SKIC3: variants seen among roughly 807,000 people sequenced by gnomAD.
SKIC3 encodes SKI3 subunit of superkiller complex.
At chr5:95,526,239 C>T in the SKIC3 span, among the ~76,000 whole-genome samples, 4 of 151,680 alleles carry the variant, frequency 2.6e-5, no homozygotes, top group South Asian at 8.4e-4. Context: ...CAATAAGGTC[C>T]CCCTCCTTCT....
At chr5:95,534,213 GAAAAA>G in the SKIC3 span, among the ~76,000 whole-genome samples, 12 of 139,074 alleles carry the variant, frequency 8.6e-5, no homozygotes, top group African/African-American at 3.1e-4. Flanking sequence ...TTCCTATCAG[GAAAAA>G]AAAAAAAAAA....
the SKIC3 span, among the ~76,000 whole-genome samples, chr5:95,524,246 G>A: frequency 9.5e-3 from 1,441 of 152,092 alleles, 25 homozygotes; most frequent in African/African-American, 0.033. Flanking sequence ...ATTATGTCTC[G>A]TTTTCTACAA....
chr5:95,466,941 A>G, the SKIC3 span, among the ~76,000 whole-genome samples: 1 of 152,228 alleles, frequency 6.6e-6, no homozygotes, highest in Non-Finnish European at 1.5e-5. Flanking sequence ...TAAAGAAATA[A>G]CAACGGTAAA....
the SKIC3 span, among the ~76,000 whole-genome samples, chr5:95,514,075 C>A: frequency 2.0e-5 from 3 of 152,104 alleles, no homozygotes; most frequent in African/African-American, 7.2e-5. Flanking sequence ...CAGGAGTTTG[C>A]CTTTCTAGCT....
the SKIC3 span, among the ~76,000 whole-genome samples, chr5:95,542,864 CT>C: frequency 1.2e-4 from 19 of 152,040 alleles, no homozygotes; most frequent in Non-Finnish European, 2.2e-4. Context: ...AAAAACATTT[CT>C]TTTTCCTCAG....
chr5:95,503,114 C>A, the SKIC3 span: 9 of 1,155,096 alleles, frequency 7.8e-6, no homozygotes, highest in Middle Eastern at 2.6e-4. Context: ...ACAATTATAT[C>A]TTTGTATTCT....
At chr5:95,543,486 G>A in the SKIC3 span, among the ~76,000 whole-genome samples, 1 of 152,290 alleles carries the variant, frequency 6.6e-6, no homozygotes, top group African/African-American at 2.4e-5. Flanking sequence ...GTTTCCTCAG[G>A]GGAAGGAGTT....
At chr5:95,517,708 T>C in the SKIC3 span, among the ~76,000 whole-genome samples, 1 of 152,148 alleles carries the variant, frequency 6.6e-6, no homozygotes, top group African/African-American at 2.4e-5. Flanking sequence ...CTCTTACAAC[T>C]GACAGTTGTA....
the SKIC3 span, chr5:95,482,472 C>T: frequency 6.2e-7 from 1 of 1,613,808 alleles, no homozygotes; most frequent in Non-Finnish European, 8.5e-7. Context: ...AGAAAACTTA[C>T]CTGCCAAGCT....
the SKIC3 span, among the ~76,000 whole-genome samples, chr5:95,553,717 G>C: frequency 1.3e-5 from 2 of 152,176 alleles, no homozygotes; most frequent in African/African-American, 4.8e-5. Flanking sequence ...CCGCCACCAC[G>C]CCCAGTATTT....
chr5:95,528,678 G>A, the SKIC3 span, among the ~76,000 whole-genome samples: 1 of 152,034 alleles, frequency 6.6e-6, no homozygotes, highest in Non-Finnish European at 1.5e-5. Context: ...CTATATGAGA[G>A]AAATTAAGAA....
At chr5:95,541,276 T>C in the SKIC3 span, 2 of 1,609,570 alleles carry the variant, frequency 1.2e-6, no homozygotes, top group Non-Finnish European at 8.5e-7. Flanking sequence ...CATCTATTAT[T>C]AAAAGAAGTC....
the SKIC3 span, among the ~76,000 whole-genome samples, chr5:95,485,191 T>C: frequency 6.6e-6 from 1 of 152,220 alleles, no homozygotes; most frequent in Admixed American, 6.5e-5. Flanking sequence ...TTGACATGTA[T>C]ATCAGTGAAC....
chr5:95,544,678 G>A, the SKIC3 span, among the ~76,000 whole-genome samples: 1 of 152,178 alleles, frequency 6.6e-6, no homozygotes, highest in Non-Finnish European at 1.5e-5. Flanking sequence ...TACAATGGCT[G>A]GCACTTAACA....
the SKIC3 span, among the ~76,000 whole-genome samples, chr5:95,510,375 C>A: frequency 1.2e-4 from 18 of 152,212 alleles, no homozygotes; most frequent in Non-Finnish European, 1.6e-4. Context: ...CCAAAACAAA[C>A]CCCCTTCTTG....
the SKIC3 span, chr5:95,509,646 A>T: frequency 6.2e-7 from 1 of 1,613,974 alleles, no homozygotes; most frequent in Non-Finnish European, 8.5e-7. Context: ...TCGTTTAAGT[A>T]ACCCAACATT....
At chr5:95,485,204 TCAC>T in the SKIC3 span, among the ~76,000 whole-genome samples, 1 of 152,204 alleles carries the variant, frequency 6.6e-6, no homozygotes, top group African/African-American at 2.4e-5. Flanking sequence ...CAGTGAACCA[TCAC>T]CACAACCATG....
chr5:95,532,975 A>G, the SKIC3 span, among the ~76,000 whole-genome samples: 2 of 152,142 alleles, frequency 1.3e-5, no homozygotes, highest in South Asian at 2.1e-4. Context: ...GAGGGGGGAA[A>G]AAAACCATGT....
chr5:95,514,199 T>C, the SKIC3 span, among the ~76,000 whole-genome samples: 1 of 152,172 alleles, frequency 6.6e-6, no homozygotes, highest in Non-Finnish European at 1.5e-5. Flanking sequence ...TACTAATTCA[T>C]TATAATTTCT....
Sources: allele counts gnomAD v4.1 joint callset (sites outside exome capture counted in the v4.1 genomes callset), GRCh38; gene constraint gnomAD v4.1.1; transcripts MANE v1.5; gene names NCBI Gene and HGNC (gene_info 2026-07-23, HGNC 2026-07-21).